HADH: variants seen among roughly 807,000 people sequenced by gnomAD.
The protein encoded by HADH is hydroxyacyl-coenzyme A dehydrogenase, mitochondrial.
A neutral mutation model predicts 32.2 loss-of-function variants in HADH; 24 were observed. The ratio of observed to expected loss-of-function variants is 0.75; its 90% CI spans 0.54 to 1.05. The LOEUF is 1.05. HADH is among the 50% of genes least tolerant of loss of function. The pLI, the probability that HADH is intolerant of heterozygous loss-of-function variation, is 0.00. For missense variants in HADH, 350 were observed against 397.1 expected (o/e 0.88, Z 1.01); for synonymous variants, 139 against 152.5 (o/e 0.91, Z 0.65).
intron 3 of HADH, among the ~76,000 whole-genome samples, chr4:108,017,201 A>C (rs562190622): frequency 6.6e-6 from 1 of 152,330 alleles, no homozygotes; most frequent in African/African-American, 2.4e-5. Flanking sequence ...CAAGTGATAC[A>C]TTTCGGGTTG....
At chr4:108,015,084 A>G (rs1040106050) in intron 3 of HADH, among the ~76,000 whole-genome samples, 4 of 152,226 alleles carry the variant, frequency 2.6e-5, no homozygotes, top group Admixed American at 6.5e-5. Context: ...TAGTGCTGCA[A>G]TAAACATATG....
At chr4:108,017,774 C>T (rs1456557454) in intron 3 of HADH, among the ~76,000 whole-genome samples, 1 of 152,144 alleles carries the variant, frequency 6.6e-6, no homozygotes, top group Non-Finnish European at 1.5e-5. Flanking sequence ...GTCTCGAACT[C>T]CTGACTTCAA....
chr4:107,990,974 A>C (rs1259438692), intron 1 of HADH, among the ~76,000 whole-genome samples: 3 of 151,994 alleles, frequency 2.0e-5, no homozygotes, highest in Non-Finnish European at 4.4e-5. Flanking sequence ...ACTCCTGACC[A>C]AAGGTGATCC....
intron 1 of HADH, among the ~76,000 whole-genome samples, chr4:107,991,430 A>G (rs1212650404): frequency 1.3e-5 from 2 of 152,056 alleles, no homozygotes; most frequent in East Asian, 1.9e-4. Context: ...TAGGTATTAT[A>G]TATCTCAATT....
chr4:108,003,887 T>C (rs1015836768), intron 1 of HADH, among the ~76,000 whole-genome samples: 1 of 151,896 alleles, frequency 6.6e-6, no homozygotes, highest in African/African-American at 2.4e-5. Flanking sequence ...TTTTGACTTG[T>C]ATTAACCCAT....
chr4:108,004,357 A>C (rs1560725454), intron 1 of HADH: 2 of 296,032 alleles, frequency 6.8e-6, no homozygotes, highest in Non-Finnish European at 1.3e-5. Flanking sequence ...GAGGATCAAA[A>C]GCACACACCT....
chr4:108,032,132 C>G, intron 6 of HADH: 1 of 368,720 alleles, frequency 2.7e-6, no homozygotes, highest in East Asian at 3.8e-5. Flanking sequence ...TCCCTCTTTT[C>G]TTTAGCTTTG....
At chr4:108,011,126 T>C (rs6533334) in intron 2 of HADH, among the ~76,000 whole-genome samples, 131,601 of 152,206 alleles carry the variant, frequency 0.86, 57,838 homozygotes, top group East Asian at 0.97. Flanking sequence ...GGATTACAGG[T>C]GTGAGCCACC....
Position 108,033,220 on chromosome 4 carries a change from G to A in HADH, c.754G>A (p.Ala252Thr). The change falls in exon 7 of 8, where the codon GCC (alanine) becomes ACC (threonine). Residue 252 changes from alanine (A) to threonine (T), a missense_variant. Transcript: ENST00000309522. ...EDIDTAMKLGAGYPMGPFELL... is the reference protein window; with the variant it reads ...EDIDTAMKLGTGYPMGPFELL... Reference sequence around the variant, plus strand: ...CATTGACACTGCTATGAAATTAGGAGCCGGTTACCCCATGGGCCCATTTGA... The same window carrying A: ...CATTGACACTGCTATGAAATTAGGAACCGGTTACCCCATGGGCCCATTTGA... 1.2e-6 allele frequency: 2 copies of A among 1,611,214 alleles called. No homozygotes were observed. Among genetic ancestry groups the A allele is most frequent in the Non-Finnish European group, 1.7e-6 (2 of 1,177,340 alleles).
chr4:108,014,998 G>T (rs1735645715), intron 3 of HADH, among the ~76,000 whole-genome samples: 1 of 152,142 alleles, frequency 6.6e-6, no homozygotes, highest in South Asian at 2.1e-4. Context: ...GTATTCCATG[G>T]TGTATATATG....
chr4:108,023,701 A>G lies in HADH; in HGVS notation c.636+138A>G. On this transcript the variant is annotated intron_variant, in intron 5 of 7. Coordinates refer to ENST00000309522, the MANE Select transcript of HADH (RefSeq NM_005327.7). The stretch of plus-strand genomic sequence containing the variant: ...GCAAGCTTGTCCACATGCTGTAAAG[A>G]GCAATCCGTGCCTCCTGTTCTAGTT... 5.7e-6 allele frequency: 4 copies of G among 703,910 alleles called. No individual in the cohort carries two copies. In the South Asian group the frequency reaches 5.9e-5, roughly 10 times the overall value. 43.6% of individuals were successfully genotyped at this position (703,910 alleles called of 1,614,324 possible). A position where few individuals can be genotyped will look rare whatever the true frequency, so the allele number is the denominator to read the frequency against.
rs568895762 is a variant in HADH at position 108,013,724 on chromosome 4, A to G, written c.262-707A>G. ...ATTTTAAAGCTATAATAGGGGAAAA[A>G]TATATAAAACATCTCAATATTTTTA... On this transcript the variant is annotated intron_variant, in intron 2 of 7. Transcript: ENST00000309522. 5.3e-5 allele frequency among the ~76,000 whole-genome samples: 8 copies of G among 152,336 alleles called. No homozygotes were observed. The South Asian group carries it at 1.4e-3, about 28-fold the overall frequency.
Position 108,013,255 on chromosome 4 carries a change from G to A in HADH, c.262-1176G>A, listed in dbSNP as rs544400564. Among the ~76,000 whole-genome samples, 31 of 152,316 alleles carry A rather than the reference G, an allele frequency of 2.0e-4. No individual in the cohort carries two copies. The South Asian group carries it at 6.4e-3, about 32-fold the overall frequency. On this transcript the variant is annotated intron_variant, in intron 2 of 7. Transcript: ENST00000309522. ...CCATCTGTCCCTTATATTCTTAATT[G>A]TAGTGGGACCCCATGCAGGGGATGT...
chr4:108,022,749 T>C (rs1735936204), intron 4 of HADH, among the ~76,000 whole-genome samples: 1 of 152,208 alleles, frequency 6.6e-6, no homozygotes, highest in Non-Finnish European at 1.5e-5. Context: ...GCATTTGTGC[T>C]TAGGCTTTGT....
In HADH at chr4:108,014,508, A is replaced by C; in HGVS notation, c.339A>C (p.Thr113=). The change falls in exon 3 of 8, where the codon ACA becomes ACC. Residue 113 remains threonine, a synonymous_variant. Coordinates refer to ENST00000309522, the MANE Select transcript of HADH (RefSeq NM_005327.7). ...ATGCAGCCTCCGTTGTCCACAGCAC[A>C]GACTTGGTGGTGGAAGCCATCGTGG... is the stretch of plus-strand genomic sequence containing the variant. ...STDAASVVHS[T]DLVVEAIVEN... The C allele has an allele frequency of 6.2e-7, 1 of 1,614,158 alleles. No individual in the cohort carries two copies. The highest frequency in any genetic ancestry group is 1.6e-4 in the Middle Eastern group (1 of 6,062).
At chr4:108,004,861 G>T (rs2126223642) in intron 1 of HADH, 1 of 1,536,022 alleles carries the variant, frequency 6.5e-7, no homozygotes, top group South Asian at 1.2e-5. Context: ...GATGTTAAGG[G>T]TTGGGAGAGC....
At position 108,009,881 on chromosome 4, in the gene HADH, C is replaced by T. The variant is rs746650397; in HGVS notation, c.255C>T (p.Asn85=). The change falls in exon 2 of 8, where the codon AAC becomes AAT. Residue 85 remains asparagine, a synonymous_variant. Coordinates refer to ENST00000309522, the MANE Select transcript of HADH (RefSeq NM_005327.7). The stretch of plus-strand genomic sequence containing the variant: ...TGGCAAAGAAGAAGTTTGCAGAAAA[C>T]CTTAAGGTAATTTCTTATTATCGAT... ...RKVAKKKFAE[N]LKAGDEFVEK... The T allele has an allele frequency of 2.8e-5, 45 of 1,609,682 alleles. No homozygotes were observed. In the African/African-American group the frequency reaches 4.1e-4, roughly 15 times the overall value.
At chr4:108,030,665 G>C (rs866418317) in intron 6 of HADH, 8 of 152,232 alleles carry the variant, frequency 5.3e-5, no homozygotes, top group African/African-American at 1.9e-4. Context: ...TTAACTGGAG[G>C]GAGGTAGGAG....
chr4:108,010,653 A>G (rs188085422), intron 2 of HADH, among the ~76,000 whole-genome samples: 31 of 152,208 alleles, frequency 2.0e-4, no homozygotes, highest in Non-Finnish European at 3.2e-4. Context: ...GCTTTTAAAA[A>G]TTTTTTTATT....
Sources: allele counts gnomAD v4.1 joint callset (sites outside exome capture counted in the v4.1 genomes callset), GRCh38; gene constraint gnomAD v4.1.1; transcripts MANE v1.5; gene names NCBI Gene and HGNC (gene_info 2026-07-23, HGNC 2026-07-21).